The following ZNF638 variants were observed in gnomAD, a reference collection of about 807,000 sequenced individuals.
ZNF638 encodes the protein zinc finger protein 638.
A neutral mutation model predicts 195.6 loss-of-function variants in ZNF638; 46 were observed. The observed-to-expected ratio is 0.24, with a 90% confidence interval of 0.19 to 0.30. The LOEUF (loss-of-function observed/expected upper bound fraction) is 0.30, where lower values mean the gene tolerates loss of function less well. Among genes scored for constraint, ZNF638 ranks in the 10% least tolerant of loss-of-function variants. The pLI is 1.00. For synonymous variants in ZNF638, 845 were observed against 772.0 expected (o/e 1.09, Z -1.57); for missense variants, 2,440 against 2,325.3 (o/e 1.05, Z -1.01).
chr2:71,346,035 A>G (rs558363938), intron 1 of ZNF638, among the ~76,000 whole-genome samples: 1 of 152,162 alleles, frequency 6.6e-6, no homozygotes, highest in East Asian at 1.9e-4. Context: ...TACACAGTAC[A>G]TTTTTGCCTT....
At chr2:71,399,462 G>A (rs1489405920) in intron 12 of ZNF638, 97 bp from the exon 13 acceptor site, 1 of 787,762 alleles carries the variant, frequency 1.3e-6, no homozygotes, top group Non-Finnish European at 2.1e-6. Context: ...AGCTGCTTTT[G>A]TAATAAAGTC....
In ZNF638 at chr2:71,428,679, G is replaced by A. The variant is rs757302651; in HGVS notation, c.5650+28G>A. Reference sequence around the variant, plus strand: ...AAAGCAGGATTGTTGGAATGGGAAGGAAAGTTACACAACACAGGAGAGTAG... The same window carrying A: ...AAAGCAGGATTGTTGGAATGGGAAGAAAAGTTACACAACACAGGAGAGTAG... On this transcript the variant is annotated intron_variant, in intron 25 of 27. Coordinates refer to ENST00000264447, the MANE Select transcript of ZNF638 (RefSeq NM_014497.5). 1.5e-5 allele frequency: 24 copies of A among 1,573,636 alleles called. No individual in the cohort carries two copies. In the South Asian group the frequency reaches 2.7e-4, roughly 18 times the overall value.
intron 27 of ZNF638, 80 bp from the exon 28 acceptor site, chr2:71,434,662 T>C (rs2080731294): frequency 2.6e-6 from 3 of 1,165,554 alleles, no homozygotes; most frequent in South Asian, 1.4e-5. Flanking sequence ...TTTTAAATTA[T>C]AAATATACAG....
chr2:71,334,350 C>T (rs1025668492), intron 1 of ZNF638, among the ~76,000 whole-genome samples: 1 of 152,184 alleles, frequency 6.6e-6, no homozygotes, highest in Non-Finnish European at 1.5e-5. Flanking sequence ...ATAGCTTGGG[C>T]TGTTTTGCAA....
At chr2:71,375,573 A>G (rs1240223413) in intron 8 of ZNF638, 3 of 152,152 alleles carry the variant, frequency 2.0e-5, no homozygotes, top group Admixed American at 6.5e-5. Context: ...GAACTACCAG[A>G]CACATGGCCA....
chr2:71,388,331 ACCTTTGATCATCTG>A (rs2104385120), intron 10 of ZNF638: 1 of 491,208 alleles, frequency 2.0e-6, no homozygotes, highest in African/African-American at 2.1e-5. Flanking sequence ...TGATCATCCG[ACCTTTGATCATCTG>A]ACCTTTGATC....
At position 71,368,538 on chromosome 2, in the gene ZNF638, T is replaced by G; in HGVS notation, c.2142+10T>G. On this transcript the variant is annotated intron_variant, in intron 7 of 27. Coordinates refer to ENST00000264447, the MANE Select transcript of ZNF638 (RefSeq NM_014497.5). Reference sequence around the variant, plus strand: ...TCCATATAGAAAAGAGGTGAGTCATTTAGTCTGTGGCAAAAATTCATACAA... The same window carrying G: ...TCCATATAGAAAAGAGGTGAGTCATGTAGTCTGTGGCAAAAATTCATACAA... 1.2e-6 allele frequency: 2 copies of G among 1,609,196 alleles called. No homozygotes were observed. The highest frequency in any genetic ancestry group is 1.1e-5 in the South Asian group (1 of 90,054).
intron 10 of ZNF638, among the ~76,000 whole-genome samples, chr2:71,394,767 A>G (rs1447230609): frequency 6.6e-6 from 1 of 152,218 alleles, no homozygotes; most frequent in Non-Finnish European, 1.5e-5. Flanking sequence ...TGTAGCATCT[A>G]TTACTGAATC....
intron 16 of ZNF638, among the ~76,000 whole-genome samples, chr2:71,403,667 A>G (rs1466000387): frequency 1.3e-5 from 2 of 151,992 alleles, no homozygotes; most frequent in African/African-American, 4.8e-5. Context: ...AAGTTTATTC[A>G]TTCTTTATTT....
chr2:71,339,206 C>T (rs2078722990), intron 1 of ZNF638, among the ~76,000 whole-genome samples: 1 of 148,976 alleles, frequency 6.7e-6, no homozygotes, highest in Non-Finnish European at 1.5e-5. Context: ...GGCTGGAGTG[C>T]AGTGGCACCA....
intron 1 of ZNF638, among the ~76,000 whole-genome samples, chr2:71,337,315 T>C (rs565889336): frequency 1.3e-5 from 2 of 152,326 alleles, no homozygotes; most frequent in African/African-American, 4.8e-5. Context: ...GTTGCATATA[T>C]TGTGGTCCTT....
In ZNF638 at chr2:71,423,915, C is replaced by T. The variant is rs747135263; in HGVS notation, c.4401C>T (p.Gly1467=). ...CTCAGAGCAGTCTTACCAGAGGAGG[C>T]AGTGGAAGGATCTCAGCCCTGCAAG... ...KPTQSSLTRG[G]SGRISALQGK... The change falls in exon 22 of 28, where the codon GGC becomes GGT. Residue 1467 remains glycine, a synonymous_variant. Transcript: ENST00000264447. The T allele has an allele frequency of 1.9e-6, 3 of 1,614,014 alleles. No homozygotes were observed. Among genetic ancestry groups the T allele is most frequent in the Non-Finnish European group, 2.5e-6 (3 of 1,180,004 alleles).
In ZNF638 at chr2:71,391,734, C is replaced by T. The variant is rs2079782918; in HGVS notation, c.2378-4407C>T. Among the ~76,000 whole-genome samples the T allele has an allele frequency of 2.6e-5, 4 of 152,296 alleles. No individual in the cohort carries two copies. The South Asian group carries it at 8.3e-4, about 32-fold the overall frequency. Reference sequence around the variant, plus strand: ...TGGGTGATATTAACTGGCATCCCCCCACCTTGGGCATAACTACTGATAAAT... The same window carrying T: ...TGGGTGATATTAACTGGCATCCCCCTACCTTGGGCATAACTACTGATAAAT... On this transcript the variant is annotated intron_variant, in intron 10 of 27. Coordinates refer to ENST00000264447, the MANE Select transcript of ZNF638 (RefSeq NM_014497.5).
Position 71,399,626 on chromosome 2 carries a change from C to G in ZNF638, c.2568C>G (p.Asn856Lys). ...GGAATGTCAAAAACAAAGACTCTAA[C>G]AAACCTGTGACTATACCAGGTAAGC... ...KTGNVKNKDS[N>K]KPVTIPENSE... The change falls in exon 13 of 28, where the codon AAC (asparagine) becomes AAG (lysine). Residue 856 changes from asparagine (N) to lysine (K), a missense_variant. By Grantham distance (94) the Asn-to-Lys change is moderately conservative. Transcript: ENST00000264447. The G allele has an allele frequency of 1.2e-6, 2 of 1,612,290 alleles. No individual in the cohort carries two copies. The highest frequency in any genetic ancestry group is 1.1e-5 in the South Asian group (1 of 90,894).
chr2:71,400,226 C>T (rs1458983354), intron 14 of ZNF638, 46 bp downstream of exon 14: 2 of 1,436,008 alleles, frequency 1.4e-6, no homozygotes, highest in Non-Finnish European at 9.7e-7. Flanking sequence ...ATTTTAATTA[C>T]CAATGCCATA....
At chr2:71,386,663 A>G (rs1237847381) in intron 10 of ZNF638, among the ~76,000 whole-genome samples, 1 of 152,172 alleles carries the variant, frequency 6.6e-6, no homozygotes, top group African/African-American at 2.4e-5. Context: ...TTAATTCTCT[A>G]ATATGTCATG....
intron 2 of ZNF638, among the ~76,000 whole-genome samples, 171 bp from the exon 3 acceptor site, chr2:71,355,548 T>G (rs1054573974): frequency 8.5e-5 from 13 of 152,362 alleles, no homozygotes; most frequent in African/African-American, 2.9e-4. Flanking sequence ...GTGCATTTGT[T>G]TCAAGGCCTT....
intron 6 of ZNF638, among the ~76,000 whole-genome samples, chr2:71,366,806 TTAG>T (rs2079208433): frequency 6.6e-6 from 1 of 152,222 alleles, no homozygotes; most frequent in South Asian, 2.1e-4. Context: ...TACTGATTTA[TTAG>T]TGTTATTTTG....
At chr2:71,351,750 T>C (rs1198272117) in intron 2 of ZNF638, among the ~76,000 whole-genome samples, 2 of 152,190 alleles carry the variant, frequency 1.3e-5, no homozygotes, top group Non-Finnish European at 2.9e-5. Flanking sequence ...TGTAAAATTT[T>C]AGATGTTATT....
Sources: gnomAD v4.1 joint callset for allele counts (sites outside exome capture counted in the v4.1 genomes callset) on GRCh38, gnomAD v4.1.1 for gene constraint, MANE v1.5 for transcripts, NCBI Gene and HGNC (gene_info 2026-07-23, HGNC 2026-07-21) for gene names.